The following SLC25A19 variants were observed in gnomAD, a reference collection of about 807,000 sequenced individuals.
SLC25A19 encodes mitochondrial thiamine pyrophosphate carrier.
In SLC25A19, 18 loss-of-function variants were observed where a neutral mutation model predicts 27.9. That is an observed-to-expected ratio of 0.64 (90% confidence interval 0.45 to 0.96). The LOEUF (loss-of-function observed/expected upper bound fraction) is 0.96, where lower values mean the gene tolerates loss of function less well. Ranked by LOEUF, SLC25A19 falls within the 40% of genes least tolerant of loss-of-function variation. SLC25A19 has a pLI of 0.00. For missense variants in SLC25A19, 371 were observed against 418.3 expected (o/e 0.89, Z 0.99); for synonymous variants, 169 against 167.1 (o/e 1.01, Z -0.09).
At position 75,273,200 on chromosome 17, in the gene SLC25A19, A is replaced by G. The variant is rs1567830884; in HGVS notation, c.*251T>C. The G allele has an allele frequency of 3.8e-6, 2 of 526,870 alleles. No homozygotes were observed. The highest frequency in any genetic ancestry group is 6.9e-6 in the Non-Finnish European group (2 of 291,078). The allele number at this position is 526,870 out of a possible 1,614,324, so 32.6% of individuals were successfully genotyped here. A position where few individuals can be genotyped will look rare whatever the true frequency, so the allele number is the denominator to read the frequency against. ...TGGAGTGTGGGCTGGTCAGAGGAGA[A>G]ACAGCAACTTCCTGCTCCTTCTCAC... On this transcript the variant is annotated 3_prime_UTR_variant, in exon 8 of 8. Transcript: ENST00000416858.
chr17:75,283,079 C>T (rs1448061306), intron 5 of SLC25A19, among the ~76,000 whole-genome samples: 2 of 150,958 alleles, frequency 1.3e-5, no homozygotes, highest in African/African-American at 4.9e-5. Context: ...GCGGGCGGAT[C>T]GTGAGGTCAG....
chr17:75,278,458 G>T, intron 5 of SLC25A19, 123 bp from the exon 6 acceptor site: 1 of 1,077,866 alleles, frequency 9.3e-7, no homozygotes, highest in South Asian at 1.3e-5. Context: ...CTCCTGCCAG[G>T]AAGACAGTCA....
chr17:75,276,930 A>C (rs35084766), intron 7 of SLC25A19, among the ~76,000 whole-genome samples: 1 of 146,220 alleles, frequency 6.8e-6, no homozygotes, highest in Non-Finnish European at 1.5e-5. Flanking sequence ...TGATCCACCC[A>C]CCTTGGCCTC....
chr17:75,278,450 C>T (rs2077953636), intron 5 of SLC25A19, 115 bp from the exon 6 acceptor site: 1 of 1,158,938 alleles, frequency 8.6e-7, no homozygotes, highest in African/African-American at 1.5e-5. Flanking sequence ...CGAAACTCCT[C>T]CTGCCAGGAA....
chr17:75,280,923 C>T lies in SLC25A19; in HGVS notation c.459+2500G>A, dbSNP rs148378254. Among the ~76,000 whole-genome samples, 552 of 141,690 alleles carry T rather than the reference C, an allele frequency of 3.9e-3. 5 individuals carry two copies. Among genetic ancestry groups the T allele is most frequent in the African/African-American group, 0.014 (525 of 37,690 alleles). The allele number at this position is 141,690 out of a possible 152,430, so 93.0% of individuals were successfully genotyped here. ...CAGACTGGGCGACAGAGCCATACTC[C>T]GTCTCAAAAACAAACAAACAACAAC... On this transcript the variant is annotated intron_variant, in intron 5 of 7. Coordinates refer to ENST00000416858, the MANE Select transcript of SLC25A19 (RefSeq NM_001126121.2).
intron 7 of SLC25A19, 180 bp from the exon 8 acceptor site, chr17:75,273,819 G>A (rs2077791705): frequency 6.5e-6 from 4 of 612,112 alleles, no homozygotes; most frequent in South Asian, 1.8e-5. Context: ...GGAATGCAGT[G>A]GCACAATCTT....
intron 2 of SLC25A19, chr17:75,287,192 T>C (rs933843603): frequency 8.7e-6 from 2 of 229,234 alleles, no homozygotes; most frequent in African/African-American, 4.6e-5. Context: ...TAACTCACCA[T>C]AGCCTTGAAC....
Position 75,289,358 on chromosome 17 carries a change from C to T in SLC25A19, c.-133G>A, listed in dbSNP as rs987216962. 6.6e-6 allele frequency: 1 copy of T among 152,330 alleles called. No homozygotes were observed. The highest frequency in any genetic ancestry group is 6.5e-5 in the Admixed American group (1 of 15,294). The allele number at this position is 152,330 out of a possible 1,614,324, so 9.4% of individuals were successfully genotyped here. A position where few individuals can be genotyped will look rare whatever the true frequency, so the allele number is the denominator to read the frequency against. On this transcript the variant is annotated 5_prime_UTR_variant, in exon 1 of 8. Transcript: ENST00000416858. ...ACGGAGGTAGAGGTTACTCACACGG[C>T]TCGGCGGGTGCGGCCCGGCTCAGCG...
At chr17:75,283,019 G>C (rs2145768985) in intron 5 of SLC25A19, among the ~76,000 whole-genome samples, 1 of 147,394 alleles carries the variant, frequency 6.8e-6, no homozygotes, top group Non-Finnish European at 1.5e-5. Flanking sequence ...TAAAAAATAG[G>C]CCGGGCGCAG....
Position 75,281,287 on chromosome 17 carries a change from A to G in SLC25A19, c.459+2136T>C, listed in dbSNP as rs145260573. ...GATGCTATTCTTAAATATGTCCAGG[A>G]AACAGAGATCATGGTGGGGAGGTCT... On this transcript the variant is annotated intron_variant, in intron 5 of 7. Coordinates refer to ENST00000416858, the MANE Select transcript of SLC25A19 (RefSeq NM_001126121.2). 3.0e-3 allele frequency among the ~76,000 whole-genome samples: 460 copies of G among 152,316 alleles called. 6 individuals are homozygous for G. Among genetic ancestry groups the G allele is most frequent in the African/African-American group, 0.011 (450 of 41,564 alleles).
chr17:75,278,199 A>G lies in SLC25A19; in HGVS notation c.596T>C (p.Leu199Ser). 1 of 1,613,946 alleles carries G rather than the reference A, an allele frequency of 6.2e-7. No individual in the cohort carries two copies. ...TATGGCCCACTTGTACAGGTGCTTC[A>G]AGGAGCTGTAGCAAGAGAACTGCAG... ...AGLQFSCYSS[L>S]KHLYKWAIPA... Residue 199 changes from leucine (L) to serine (S), a missense_variant, in exon 6 of 8, where the codon TTG (leucine) becomes TCG (serine). Physicochemically the swap from Leu to Ser is moderately radical, Grantham distance 145 (BLOSUM62 -2). Coordinates refer to ENST00000416858, the MANE Select transcript of SLC25A19 (RefSeq NM_001126121.2).
chr17:75,281,452 T>C (rs1022590569), intron 5 of SLC25A19, among the ~76,000 whole-genome samples: 6 of 152,088 alleles, frequency 3.9e-5, no homozygotes, highest in Non-Finnish European at 8.8e-5. Flanking sequence ...ATCCCAGCAC[T>C]TTGGGAGACA....
At chr17:75,282,147 G>A (rs1271799886) in intron 5 of SLC25A19, among the ~76,000 whole-genome samples, 1 of 152,070 alleles carries the variant, frequency 6.6e-6, no homozygotes, top group African/African-American at 2.4e-5. Context: ...CAGCTACCGG[G>A]GAGGCTGAGG....
chr17:75,283,226 G>A (rs1336148572), intron 5 of SLC25A19, among the ~76,000 whole-genome samples, 197 bp downstream of exon 5: 3 of 144,262 alleles, frequency 2.1e-5, no homozygotes, highest in South Asian at 4.5e-4. Flanking sequence ...GCTTGAACTC[G>A]GGAGGTGGAG....
chr17:75,273,650 G>A lies in SLC25A19; in HGVS notation c.775-11C>T, dbSNP rs541835381. The A allele has an allele frequency of 3.1e-6, 5 of 1,611,626 alleles. No individual in the cohort carries two copies. Among genetic ancestry groups the A allele is most frequent in the Non-Finnish European group, 4.2e-6 (5 of 1,179,454 alleles). ...CTTGTATCTCCGTACCTGGGGAGAG[G>A]AAAGGGATGAAAATATGGATGCCCG... On this transcript the variant is annotated splice_polypyrimidine_tract_variant and intron_variant, in intron 7 of 7. Coordinates refer to ENST00000416858, the MANE Select transcript of SLC25A19 (RefSeq NM_001126121.2).
intron 5 of SLC25A19, among the ~76,000 whole-genome samples, chr17:75,281,556 A>C (rs542840046): frequency 1.3e-5 from 2 of 152,236 alleles, no homozygotes; most frequent in African/African-American, 4.8e-5. Flanking sequence ...AATTAGCCGG[A>C]CATGGCATCA....
At chr17:75,285,486 G>A (rs970575806) in intron 4 of SLC25A19, among the ~76,000 whole-genome samples, 1 of 152,240 alleles carries the variant, frequency 6.6e-6, no homozygotes, top group African/African-American at 2.4e-5. Context: ...GCAGACAAGT[G>A]CAGAGACAGG....
rs2078256955 is a variant in SLC25A19, at chr17:75,289,354, A to ACGGCTCGGCGGGTGCGGCC, written c.-148_-130dup. ...AAGGACGGAGGTAGAGGTTACTCAC[A>ACGGCTCGGCGGGTGCGGCC]CGGCTCGGCGGGTGCGGCCCGGCTC... On this transcript the variant is annotated splice_region_variant and 5_prime_UTR_variant, in exon 1 of 8. Coordinates refer to ENST00000416858, the MANE Select transcript of SLC25A19 (RefSeq NM_001126121.2). The ACGGCTCGGCGGGTGCGGCC allele has an allele frequency of 6.6e-6, 1 of 152,194 alleles. No individual in the cohort carries two copies. The highest frequency in any genetic ancestry group is 2.4e-5 in the African/African-American group (1 of 41,364). The allele number at this position is 152,194 out of a possible 1,614,324, so 9.4% of individuals were successfully genotyped here. A position where few individuals can be genotyped will look rare whatever the true frequency, so the allele number is the denominator to read the frequency against.
intron 4 of SLC25A19, among the ~76,000 whole-genome samples, chr17:75,285,418 C>A (rs1026555610): frequency 6.6e-6 from 1 of 152,228 alleles, no homozygotes; most frequent in Non-Finnish European, 1.5e-5. Context: ...CAGCCCACGC[C>A]TGGCTTCTTG....
Sources: allele counts gnomAD v4.1 joint callset (sites outside exome capture counted in the v4.1 genomes callset), GRCh38; gene constraint gnomAD v4.1.1; transcripts MANE v1.5; gene names NCBI Gene and HGNC (gene_info 2026-07-23, HGNC 2026-07-21).